Variants in FAM167A observed in about 807,000 individuals in gnomAD.
The protein encoded by FAM167A is protein FAM167A.
In FAM167A, 23 loss-of-function variants were observed where a neutral mutation model predicts 14.9. The observed-to-expected ratio is 1.55, with a 90% CI of 1.11 to 2.19. The LOEUF is 2.19. Ranked by LOEUF, FAM167A falls within the 30% of genes most tolerant of loss-of-function variation. The pLI is 0.00. For missense variants in FAM167A, 401 were observed against 281.5 expected, an observed-to-expected ratio of 1.42 and a Z score of -3.04; for synonymous variants, 174 against 117.7, an observed-to-expected ratio of 1.48 and a Z score of -3.10.
Position 11,444,364 on chromosome 8 carries a change from C to A in FAM167A, c.48G>T (p.Gly16=). The A allele has an allele frequency of 6.3e-7, 1 of 1,590,442 alleles. No homozygotes were observed. The highest frequency in any genetic ancestry group is 8.6e-7 in the Non-Finnish European group (1 of 1,168,636). ...CATCGGGTGGTGCGGCTGCTCCCGC[C>A]CCCTCTTCTGCACCCACTTCTTCCA... ...IHVEEVGAEE[G]AGAAAPPDDH... The change falls in exon 2 of 3, where the codon GGG becomes GGT. Residue 16 remains glycine, a synonymous_variant. Transcript: ENST00000284486.
chr8:11,471,952 C>G (rs1050822650), upstream of FAM167A, among the ~76,000 whole-genome samples: 7 of 152,256 alleles, frequency 4.6e-5, no homozygotes. Context: ...TCACTCCCAC[C>G]TCCCTTCTTT....
intron 1 of FAM167A, among the ~76,000 whole-genome samples, chr8:11,454,592 C>G (rs1171362830): frequency 1.2e-4 from 19 of 152,234 alleles, no homozygotes; most frequent in Admixed American, 1.2e-3. Flanking sequence ...GTTTCATACA[C>G]AGAAAATTCA....
chr8:11,468,019 G>C (rs1402652884), upstream of FAM167A, among the ~76,000 whole-genome samples: 1 of 152,084 alleles, frequency 6.6e-6, no homozygotes, highest in Admixed American at 6.5e-5. Flanking sequence ...CGCTGCCACT[G>C]TCCCTACCCA....
At chr8:11,438,754 G>C (rs1056417990) in intron 2 of FAM167A, 2 of 346,900 alleles carry the variant, frequency 5.8e-6, no homozygotes, top group African/African-American at 2.2e-5. Flanking sequence ...CCTCCTGCAG[G>C]GCTGGTGCCA....
chr8:11,431,975 G>C (rs753039517), intron 2 of FAM167A, among the ~76,000 whole-genome samples: 12 of 150,926 alleles, frequency 8.0e-5, no homozygotes, highest in Non-Finnish European at 1.5e-4. Context: ...TCAACTCTCA[G>C]TGTGGGTTTC....
chr8:11,455,721 G>A (rs1191523724), intron 1 of FAM167A, among the ~76,000 whole-genome samples: 7 of 149,452 alleles, frequency 4.7e-5, no homozygotes, highest in Non-Finnish European at 8.9e-5. Context: ...GTGTATGAGT[G>A]TGTGAGTGTC....
At chr8:11,451,051 T>C (rs1241189602) in intron 1 of FAM167A, among the ~76,000 whole-genome samples, 1 of 152,222 alleles carries the variant, frequency 6.6e-6, no homozygotes, top group African/African-American at 2.4e-5. Context: ...TCCAGCAGCT[T>C]CCTCCCTCTT....
intron 1 of FAM167A, among the ~76,000 whole-genome samples, chr8:11,461,549 C>T (rs558751367): frequency 6.6e-6 from 1 of 152,352 alleles, no homozygotes; most frequent in South Asian, 2.1e-4. Context: ...CCTGGCTATA[C>T]AAACAGGAAA....
At chr8:11,475,264 G>A (rs1227075674) in intron 1 of FAM167A, among the ~76,000 whole-genome samples, 1 of 152,122 alleles carries the variant, frequency 6.6e-6, no homozygotes, top group African/African-American at 2.4e-5. Context: ...TTCCTACTCG[G>A]TTTCCCTATG....
At chr8:11,474,117 C>A (rs181396978) in intron 1 of FAM167A, among the ~76,000 whole-genome samples, 4 of 152,238 alleles carry the variant, frequency 2.6e-5, no homozygotes, top group Admixed American at 2.0e-4. Flanking sequence ...TCAGGTGATC[C>A]GCCTGCCTTG....
upstream of FAM167A, among the ~76,000 whole-genome samples, chr8:11,472,204 G>A (rs564410688): frequency 2.6e-5 from 4 of 152,216 alleles, no homozygotes; most frequent in African/African-American, 4.8e-5. Flanking sequence ...AGCAGATTAC[G>A]CAGCACACCG....
At chr8:11,437,280 C>T (rs1047355294) in intron 2 of FAM167A, among the ~76,000 whole-genome samples, 2 of 152,080 alleles carry the variant, frequency 1.3e-5, no homozygotes, top group Non-Finnish European at 2.9e-5. Context: ...GGATAGTAAT[C>T]GTGCCTACCC....
At position 11,424,407 on chromosome 8, in the gene FAM167A, A is replaced by T; in HGVS notation, c.611T>A (p.Met204Lys). Reference protein sequence around the residue: ...TPLKLIGVTKMNINSRRFSLC With the variant: ...TPLKLIGVTKKNINSRRFSLC ...AGAGAACCTCCGAGAGTTGATGTTC[A>T]TCTTGGTCACGCCAATAAGCTTGAG... The change falls in exon 3 of 3, where the codon ATG (methionine) becomes AAG (lysine). Residue 204 changes from methionine to lysine, a missense_variant. By Grantham distance (95) the Met-to-Lys change is moderately conservative. Transcript: ENST00000284486. 6.2e-7 allele frequency: 1 copy of T among 1,614,074 alleles called. No individual in the cohort carries two copies. The highest frequency in any genetic ancestry group is 8.5e-7 in the Non-Finnish European group (1 of 1,180,006).
intron 1 of FAM167A, among the ~76,000 whole-genome samples, chr8:11,445,822 A>T (rs930171440): frequency 3.0e-5 from 2 of 66,516 alleles, no homozygotes; most frequent in East Asian, 8.6e-4. Context: ...GGTGTGTTTT[A>T]AAAAAAAAAA....
intron 1 of FAM167A, chr8:11,445,671 G>T: frequency 1.0e-6 from 1 of 954,042 alleles, no homozygotes; most frequent in Non-Finnish European, 1.2e-6. Context: ...CAGACACAGG[G>T]TAGAAATCTA....
intron 1 of FAM167A, among the ~76,000 whole-genome samples, chr8:11,465,445 G>C (rs1441221397): frequency 6.6e-6 from 1 of 152,194 alleles, no homozygotes; most frequent in Non-Finnish European, 1.5e-5. Context: ...AAGACTGATG[G>C]GGAGGATGGA....
intron 1 of FAM167A, among the ~76,000 whole-genome samples, chr8:11,460,011 A>C (rs1807475348): frequency 6.6e-6 from 1 of 152,208 alleles, no homozygotes; most frequent in East Asian, 1.9e-4. Flanking sequence ...TACAGGCGTG[A>C]GCCACCGCAC....
chr8:11,449,412 A>T (rs1321501969), intron 1 of FAM167A, among the ~76,000 whole-genome samples: 1 of 152,138 alleles, frequency 6.6e-6, no homozygotes, highest in Admixed American at 6.5e-5. Context: ...CTGGGCTGGA[A>T]AAGCAGTGGA....
rs199499574 is a variant in FAM167A, at chr8:11,463,882, G to GTGGGGGAGCA, written c.-398+2734_-398+2743dup. On this transcript the variant is annotated intron_variant, in intron 1 of 2. Coordinates refer to ENST00000284486, the MANE Select transcript of FAM167A (RefSeq NM_053279.3). ...ATTCCTCAGTGAAGAGAGCTTTGTG[G>GTGGGGGAGCA]TGGGGGAGCAAAGCCACCCCCCACT... Among the ~76,000 whole-genome samples the GTGGGGGAGCA allele has an allele frequency of 5.3e-3, 814 of 152,330 alleles. 12 individuals are homozygous for GTGGGGGAGCA. Among genetic ancestry groups the GTGGGGGAGCA allele is most frequent in the African/African-American group, 0.019 (777 of 41,582 alleles).
Sources: allele counts gnomAD v4.1 joint callset (sites outside exome capture counted in the v4.1 genomes callset), GRCh38; gene constraint gnomAD v4.1.1; transcripts MANE v1.5; gene names NCBI Gene and HGNC (gene_info 2026-07-23, HGNC 2026-07-21).